EDC4: variants seen among roughly 807,000 people sequenced by gnomAD.
EDC4 encodes enhancer of mRNA-decapping protein 4.
A neutral mutation model predicts 155.8 loss-of-function variants in EDC4; 64 were observed. The ratio of observed to expected loss-of-function variants is 0.41; its 90% CI spans 0.34 to 0.51. The LOEUF is 0.51. Ranked by LOEUF, EDC4 falls within the 20% of genes least tolerant of loss-of-function variation. The pLI, the probability that EDC4 is intolerant of heterozygous loss-of-function variation, is 0.19. For synonymous variants in EDC4, 684 were observed against 716.8 expected, an observed-to-expected ratio of 0.95 and a Z score of 0.73; for missense variants, 1,303 against 1,812.5, an observed-to-expected ratio of 0.72 and a Z score of 5.10.
chr16:67,874,730 C>G (rs1426424506), intron 1 of EDC4, among the ~76,000 whole-genome samples: 2 of 152,104 alleles, frequency 1.3e-5, no homozygotes, highest in Non-Finnish European at 2.9e-5. Context: ...CACTTGATTC[C>G]CTTGTTTGCC....
In EDC4 at chr16:67,882,926, G is replaced by C. The variant is rs1201569878; in HGVS notation, c.3630-32G>C. The C allele has an allele frequency of 1.2e-6, 2 of 1,613,804 alleles. No individual in the cohort carries two copies. The highest frequency in any genetic ancestry group is 1.7e-6 in the Non-Finnish European group (2 of 1,179,816). On this transcript the variant is annotated intron_variant, in intron 26 of 28. Coordinates refer to ENST00000358933, the MANE Select transcript of EDC4 (RefSeq NM_014329.5). This position sits in a 1 kb window ranked among gnomAD's most constrained non-coding sequence, Gnocchi z 7.2. ...TGAGAAAGGCCAGACTAGGCTCCCT[G>C]TCCACTTCACCTCACTCACTTCCCT...
chr16:67,878,287 C>A lies in EDC4; in HGVS notation c.1004+12C>A. On this transcript the variant is annotated intron_variant, in intron 8 of 28. Coordinates refer to ENST00000358933, the MANE Select transcript of EDC4 (RefSeq NM_014329.5). The surrounding 1 kb of genome is among the most constrained non-coding windows in gnomAD (Gnocchi z 5.2). Reference sequence around the variant, plus strand: ...CAAGATGAGCCAAGGTAAGGCAGGGCCTCAGGGACCAGGATCCTCCCGAGG... The same window carrying A: ...CAAGATGAGCCAAGGTAAGGCAGGGACTCAGGGACCAGGATCCTCCCGAGG... 5 of 1,614,164 alleles carry A rather than the reference C, an allele frequency of 3.1e-6. No homozygotes were observed. The highest frequency in any genetic ancestry group is 4.2e-6 in the Non-Finnish European group (5 of 1,180,044).
chr16:67,876,497 A>G lies in EDC4; in HGVS notation c.249A>G (p.Ser83=). The G allele has an allele frequency of 1.2e-6, 2 of 1,614,030 alleles. No homozygotes were observed. Among genetic ancestry groups the G allele is most frequent in the Non-Finnish European group, 1.7e-6 (2 of 1,179,984 alleles). ...NLQEKQVICL[S]GDDSSTCIGI... is the part of the protein sequence containing the mutation. ...GCACTCTTCCCCACAGCTGTCTCTC[A>G]GGAGATGATAGCTCCACCTGCATTG... The change falls in exon 3 of 29, where the codon TCA becomes TCG. Residue 83 remains serine, a synonymous_variant. Coordinates refer to ENST00000358933, the MANE Select transcript of EDC4 (RefSeq NM_014329.5). This position sits in a 1 kb window ranked among gnomAD's most constrained non-coding sequence, Gnocchi z 5.8.
Position 67,876,490 on chromosome 16 carries a change from G to A in EDC4, c.242G>A (p.Cys81Tyr). ...AGTTTTTGCACTCTTCCCCACAGCTGTCTCTCAGGAGATGATAGCTCCACC... is the reference window on the plus strand; with the variant it reads ...AGTTTTTGCACTCTTCCCCACAGCTATCTCTCAGGAGATGATAGCTCCACC... ...PINLQEKQVI[C>Y]LSGDDSSTCI... Residue 81 changes from cysteine (C) to tyrosine (Y), a missense_variant and splice_region_variant, in exon 3 of 29, where the codon TGT becomes TAT. Physicochemically the swap from Cys to Tyr is radical, Grantham distance 194. Transcript: ENST00000358933. The surrounding 1 kb of genome is among the most constrained non-coding windows in gnomAD (Gnocchi z 5.8). The A allele has an allele frequency of 1.2e-6, 2 of 1,614,002 alleles. No individual in the cohort carries two copies. Among genetic ancestry groups the A allele is most frequent in the Non-Finnish European group, 8.5e-7 (1 of 1,179,996 alleles).
In EDC4 at chr16:67,877,086, C is replaced by T; in HGVS notation, c.451+114C>T. The stretch of plus-strand genomic sequence containing the variant: ...ACAATGGAAGGTTTGTCCATGCTGC[C>T]TCTTGGGGAGCTGGGTGGGAAAACC... On this transcript the variant is annotated intron_variant, in intron 4 of 28. Coordinates refer to ENST00000358933, the MANE Select transcript of EDC4 (RefSeq NM_014329.5). This position sits in a 1 kb window ranked among gnomAD's most constrained non-coding sequence, Gnocchi z 4.9. 6.5e-7 allele frequency: 1 copy of T among 1,543,702 alleles called. No homozygotes were observed. The highest frequency in any genetic ancestry group is 8.7e-7 in the Non-Finnish European group (1 of 1,144,026).
rs1164880742 is a variant in EDC4, at chr16:67,880,545, G to T, written c.2098-12G>T. 6.2e-7 allele frequency: 1 copy of T among 1,609,840 alleles called. No individual in the cohort carries two copies. The highest frequency in any genetic ancestry group is 1.7e-4 in the Middle Eastern group (1 of 5,932). On this transcript the variant is annotated splice_polypyrimidine_tract_variant and intron_variant, in intron 17 of 28. Coordinates refer to ENST00000358933, the MANE Select transcript of EDC4 (RefSeq NM_014329.5). The surrounding 1 kb of genome is among the most constrained non-coding windows in gnomAD (Gnocchi z 5.2). ...TCCTGTCACTTAAGCCCCCATCTTT[G>T]GCCCACCTCAGGTGCCTACTGCCAC...
chr16:67,882,794 G>A lies in EDC4; in HGVS notation c.3558G>A (p.Glu1186=). ...GLVSTLQSAT[E]QMAATVAGSV... ...TCAGCACACTGCAGAGTGCCACTGA[G>A]CAGATGGCAGCCACCGTGGCCGGCA... Residue 1186 remains glutamate (E), a synonymous_variant, in exon 26 of 29, where the codon GAG becomes GAA. Transcript: ENST00000358933. This position sits in a 1 kb window ranked among gnomAD's most constrained non-coding sequence, Gnocchi z 7.2. The A allele has an allele frequency of 1.2e-5, 20 of 1,614,176 alleles. No homozygotes were observed. The highest frequency in any genetic ancestry group is 1.2e-4 in the South Asian group (11 of 91,084).
chr16:67,877,264 T>A lies in EDC4; in HGVS notation c.499T>A (p.Ser167Thr). Reference sequence around the variant, plus strand: ...GGTGCGGGTGATCAGCGTCAGCACTTCGGAGCGGACCTTGCTCAAGGGCTT... The same window carrying A: ...GGTGCGGGTGATCAGCGTCAGCACTACGGAGCGGACCTTGCTCAAGGGCTT... ...AMVRVISVST[S>T]ERTLLKGFTG... Residue 167 changes from serine to threonine, a missense_variant, in exon 5 of 29, where the codon TCG becomes ACG. Ser to Thr is a moderately conservative substitution (Grantham distance 58, BLOSUM62 1). Transcript: ENST00000358933. This position sits in a 1 kb window ranked among gnomAD's most constrained non-coding sequence, Gnocchi z 4.9. The A allele has an allele frequency of 6.2e-7, 1 of 1,614,190 alleles. No homozygotes were observed. Among genetic ancestry groups the A allele is most frequent in the East Asian group, 2.2e-5 (1 of 44,890 alleles).
Position 67,882,014 on chromosome 16 carries a change from A to G in EDC4, c.3065A>G (p.Gln1022Arg). The G allele has an allele frequency of 4.3e-6, 7 of 1,611,910 alleles. No homozygotes were observed. The highest frequency in any genetic ancestry group is 5.9e-6 in the Non-Finnish European group (7 of 1,179,320). Residue 1022 changes from glutamine (Q) to arginine (R), a missense_variant, in exon 23 of 29, where the codon CAG (glutamine) becomes CGG (arginine). This residue lies in a region of EDC4 where 527 missense variants were observed against 757.0 expected (regional missense o/e 0.70). Transcript: ENST00000358933. This position sits in a 1 kb window ranked among gnomAD's most constrained non-coding sequence, Gnocchi z 7.2. ...CAGCGGGGAGGGCAGCTGCAGGAGC[A>G]GCTGACACAACAGTTGTCCCAAGCA... ...GQQRGGQLQE[Q>R]LTQQLSQALS...
Position 67,879,146 on chromosome 16 carries a change from C to T in EDC4, c.1468+9C>T, listed in dbSNP as rs1424893379. 6.2e-7 allele frequency: 1 copy of T among 1,613,646 alleles called. No homozygotes were observed. The stretch of plus-strand genomic sequence containing the variant: ...TGACAGCCTGGGTGCTGGTGAGCTG[C>T]CTCAGGGTCAGAGCTATGTGTCCAT... On this transcript the variant is annotated intron_variant, in intron 12 of 28. Coordinates refer to ENST00000358933, the MANE Select transcript of EDC4 (RefSeq NM_014329.5). The surrounding 1 kb of genome is among the most constrained non-coding windows in gnomAD (Gnocchi z 6.0).
In EDC4 at chr16:67,876,101, T is replaced by C. The variant is rs2058040250; in HGVS notation, c.239T>C (p.Ile80Thr). 6.2e-7 allele frequency: 1 copy of C among 1,613,960 alleles called. No homozygotes were observed. Among genetic ancestry groups the C allele is most frequent in the Non-Finnish European group, 8.5e-7 (1 of 1,179,854 alleles). ...ATTAACCTGCAAGAGAAGCAGGTCA[T>C]GTGAGTACCTAGGAGACGACAATAG... The part of the protein sequence containing the change: ...PPINLQEKQV[I>T]CLSGDDSSTC... The change falls in exon 2 of 29, where the codon ATC becomes ACC. Residue 80 changes from isoleucine to threonine, a missense_variant and splice_region_variant. Transcript: ENST00000358933. This position sits in a 1 kb window ranked among gnomAD's most constrained non-coding sequence, Gnocchi z 5.8.
chr16:67,880,311 C>T lies in EDC4; in HGVS notation c.2097+95C>T. On this transcript the variant is annotated intron_variant, in intron 17 of 28. Transcript: ENST00000358933. This position sits in a 1 kb window ranked among gnomAD's most constrained non-coding sequence, Gnocchi z 5.2. ...CTCCTCCCAGCCCCCTGCTGCTGAT[C>T]CTGCTCTACCCGACATGGTCCGTGT... The T allele has an allele frequency of 6.7e-6, 10 of 1,484,182 alleles. No individual in the cohort carries two copies. The highest frequency in any genetic ancestry group is 4.0e-5 in the South Asian group (3 of 75,332). 91.9% of individuals were successfully genotyped at this position (1,484,182 alleles called of 1,614,324 possible).
At position 67,883,641 on chromosome 16, in the gene EDC4, A is replaced by T. The variant is rs1451517546; in HGVS notation, c.3923A>T (p.Gln1308Leu). 1 of 1,614,152 alleles carries T rather than the reference A, an allele frequency of 6.2e-7. No individual in the cohort carries two copies. Residue 1308 changes from glutamine to leucine, a missense_variant, in exon 28 of 29, where the codon CAG (glutamine) becomes CTG (leucine). By Grantham distance (113) the Gln-to-Leu change is moderately radical. This residue lies in a region of EDC4 where 527 missense variants were observed against 757.0 expected (regional missense o/e 0.70). Transcript: ENST00000358933. The surrounding 1 kb of genome is among the most constrained non-coding windows in gnomAD (Gnocchi z 5.3). ...ETVDPAQVFG[Q>L]PPCPLSQPVL... ...GTGGACCCAGCCCAGGTTTTTGGGC[A>T]GCCACCCTGCCCGCTCTCCCAGCCT...
rs754153931 is a variant in EDC4, at chr16:67,879,416, C to T, written c.1546C>T (p.Leu516=). ...CTCCCCCTTCTTTTCCTGCAGGGCA[C>T]TGCAAGATGTGCAGATCCGCTTCCA... is the stretch of plus-strand genomic sequence containing the variant. ...IKLFCVHTKA[L]QDVQIRFQPQ... is the part of the protein sequence containing the mutation. Residue 516 remains leucine, a synonymous_variant, in exon 14 of 29, where the codon CTG becomes TTG. Transcript: ENST00000358933. The surrounding 1 kb of genome is among the most constrained non-coding windows in gnomAD (Gnocchi z 6.0). 21 of 1,614,084 alleles carry T rather than the reference C, an allele frequency of 1.3e-5. No homozygotes were observed. The highest frequency in any genetic ancestry group is 8.0e-5 in the African/African-American group (6 of 74,918).
rs774789553 is a variant in EDC4 at position 67,881,840 on chromosome 16, A to C, written c.2999A>C (p.Gln1000Pro). The change falls in exon 22 of 29, where the codon CAG (glutamine) becomes CCG (proline). Residue 1000 changes from glutamine (Q) to proline (P), a missense_variant. Coordinates refer to ENST00000358933, the MANE Select transcript of EDC4 (RefSeq NM_014329.5). The surrounding 1 kb of genome is among the most constrained non-coding windows in gnomAD (Gnocchi z 5.4). ...VERALETRHEQEQRRLERALA... is the reference protein window; with the variant it reads ...VERALETRHEPEQRRLERALA... ...CGTGCCCTTGAGACTCGGCACGAGC[A>C]GGAACGTATCCTTGAGACTGGTAGC... The C allele has an allele frequency of 6.2e-7, 1 of 1,613,328 alleles. No individual in the cohort carries two copies. The highest frequency in any genetic ancestry group is 1.7e-5 in the Admixed American group (1 of 60,012).
Position 67,875,925 on chromosome 16 carries a change from A to G in EDC4, c.83-20A>G. 1 of 1,608,452 alleles carries G rather than the reference A, an allele frequency of 6.2e-7. No homozygotes were observed. Among genetic ancestry groups the G allele is most frequent in the Non-Finnish European group, 8.5e-7 (1 of 1,176,976 alleles). The stretch of plus-strand genomic sequence containing the variant: ...GGGCAGGTCGAGCAACCTTATCAGA[A>G]TGACCCTCTTTGTCCCCAGGCCCCA... On this transcript the variant is annotated intron_variant, in intron 1 of 28. Transcript: ENST00000358933.
Position 67,876,683 on chromosome 16 carries a change from G to T in EDC4, c.351+84G>T. 1 of 1,576,996 alleles carries T rather than the reference G, an allele frequency of 6.3e-7. No individual in the cohort carries two copies. The highest frequency in any genetic ancestry group is 1.1e-5 in the South Asian group (1 of 87,124). On this transcript the variant is annotated intron_variant, in intron 3 of 28. Coordinates refer to ENST00000358933, the MANE Select transcript of EDC4 (RefSeq NM_014329.5). The surrounding 1 kb of genome is among the most constrained non-coding windows in gnomAD (Gnocchi z 5.8). ...TCTCCCTCATGCTGCCAGTTCCTAT[G>T]GGGACCACCTTGACACTTTCCCAGT...
Position 67,876,730 on chromosome 16 carries a change from G to C in EDC4, c.351+131G>C. The C allele has an allele frequency of 1.3e-6, 2 of 1,555,656 alleles. No homozygotes were observed. The highest frequency in any genetic ancestry group is 2.4e-5 in the South Asian group (2 of 81,834). ...CAGTTTCAGGAAGCCAGGGCTGGGT[G>C]CCAAGCCTCTGTGGGAGTCTGGCTC... On this transcript the variant is annotated intron_variant, in intron 3 of 28. Transcript: ENST00000358933. The surrounding 1 kb of genome is among the most constrained non-coding windows in gnomAD (Gnocchi z 5.8).
At position 67,879,729 on chromosome 16, in the gene EDC4, GATGACACCTGACGCCTTC is replaced by G; in HGVS notation, c.1786_1803del (p.Asp596_Pro601del). On this transcript the variant is annotated inframe_deletion, in exon 15 of 29. Coordinates refer to ENST00000358933, the MANE Select transcript of EDC4 (RefSeq NM_014329.5). This position sits in a 1 kb window ranked among gnomAD's most constrained non-coding sequence, Gnocchi z 6.0. Reference sequence around the variant, plus strand: ...TGAGCAGTGAGACCAAGCCCAAGTTGATGACACCTGACGCCTTCATGACACCTAGCGCCTCCTTGCAGC... The same window carrying G: ...TGAGCAGTGAGACCAAGCCCAAGTTGATGACACCTAGCGCCTCCTTGCAGC... 6.2e-7 allele frequency: 1 copy of G among 1,614,168 alleles called. No individual in the cohort carries two copies. The highest frequency in any genetic ancestry group is 2.2e-5 in the East Asian group (1 of 44,880).
Sources: allele counts gnomAD v4.1 joint callset (sites outside exome capture counted in the v4.1 genomes callset), GRCh38; gene constraint gnomAD v4.1.1; regional missense constraint gnomAD v4.1.1; non-coding constraint Gnocchi (gnomAD v3.1); transcripts MANE v1.5; gene names NCBI Gene and HGNC (gene_info 2026-07-23, HGNC 2026-07-21).